KALRN: variants seen among roughly 807,000 people sequenced by gnomAD.
The protein encoded by KALRN is kalirin.
A neutral mutation model predicts 353.7 loss-of-function variants in KALRN; 70 were observed. The observed-to-expected ratio is 0.20, with a 90% CI of 0.16 to 0.24. KALRN has a LOEUF of 0.24. Ranked by LOEUF, KALRN falls within the 10% of genes least tolerant of loss-of-function variation. The pLI is 1.00. For synonymous variants in KALRN, 1,391 were observed against 1,434.8 expected (o/e 0.97, Z 0.69); for missense variants, 2,791 against 3,756.7 (o/e 0.74, Z 6.72).
At chr3:124,172,093 A>T (rs1341450127) in intron 1 of KALRN, among the ~76,000 whole-genome samples, 2 of 152,190 alleles carry the variant, frequency 1.3e-5, no homozygotes, top group Non-Finnish European at 2.9e-5. Context: ...TTCCTTATCC[A>T]TAAAATAAGT....
At chr3:124,362,356 C>G (rs993636429) in intron 10 of KALRN, among the ~76,000 whole-genome samples, 4 of 152,224 alleles carry the variant, frequency 2.6e-5, no homozygotes, top group Non-Finnish European at 5.9e-5. Context: ...AGGAACAGAT[C>G]ATTACATCTG....
chr3:124,184,614 A>G (rs1334231793), intron 1 of KALRN, among the ~76,000 whole-genome samples: 2 of 152,162 alleles, frequency 1.3e-5, no homozygotes. Flanking sequence ...TCCCCTTTGA[A>G]GCCTTTCCTG....
chr3:124,296,062 G>A (rs1310730600), intron 5 of KALRN, among the ~76,000 whole-genome samples: 1 of 152,180 alleles, frequency 6.6e-6, no homozygotes, highest in Admixed American at 6.5e-5. Context: ...GGTGTAAGTA[G>A]ATGGAAGTGT....
intron 1 of KALRN, among the ~76,000 whole-genome samples, chr3:124,192,408 G>A (rs991694757): frequency 1.3e-5 from 2 of 152,156 alleles, no homozygotes; most frequent in Non-Finnish European, 2.9e-5. Context: ...GGAGCGGGGA[G>A]GTGGGAATGG....
At chr3:124,707,419 TTCCTTCCTTCCTTC>T (rs2062680542) in intron 57 of KALRN, among the ~76,000 whole-genome samples, 1 of 150,454 alleles carries the variant, frequency 6.6e-6, no homozygotes, top group African/African-American at 2.4e-5. Flanking sequence ...CCTTCCTTCC[TTCCTTCCTTCCTTC>T]CTTCCTTCCT....
intron 48 of KALRN, among the ~76,000 whole-genome samples, chr3:124,672,598 A>G (rs545905304): frequency 1.3e-5 from 2 of 152,210 alleles, no homozygotes; most frequent in Admixed American, 6.5e-5. Flanking sequence ...GAGAAGTCTG[A>G]CTTGGATTGA....
chr3:124,086,677 T>C (rs2060842184), intron 1 of KALRN, among the ~76,000 whole-genome samples: 1 of 152,180 alleles, frequency 6.6e-6, no homozygotes, highest in African/African-American at 2.4e-5. Context: ...TTTTATTCTC[T>C]GAGGACTTAA....
Position 124,094,712 on chromosome 3 carries a change from C to T in KALRN, c.73+60899C>T. Reference sequence around the variant, plus strand: ...GAGGACTGGTGGCTGTCTTTGCAGGCAGGCATTTGCTTAGAGCAGGCTGTG... The same window carrying T: ...GAGGACTGGTGGCTGTCTTTGCAGGTAGGCATTTGCTTAGAGCAGGCTGTG... On this transcript the variant is annotated intron_variant, in intron 1 of 59. Transcript: ENST00000682506. The T allele has an allele frequency of 3.9e-6, 3 of 771,626 alleles. No individual in the cohort carries two copies. In the East Asian group the frequency reaches 7.8e-5, roughly 20 times the overall value. The allele number at this position is 771,626 out of a possible 1,614,324, so 47.8% of individuals were successfully genotyped here.
At chr3:124,651,626 T>C (rs1354250501) in intron 38 of KALRN, among the ~76,000 whole-genome samples, 2 of 144,972 alleles carry the variant, frequency 1.4e-5, no homozygotes, top group Non-Finnish European at 3.0e-5. Flanking sequence ...CATTTTCTTT[T>C]TCTTTTCTAT....
At chr3:124,533,808 C>G (rs1366465370) in intron 33 of KALRN, among the ~76,000 whole-genome samples, 1 of 152,148 alleles carries the variant, frequency 6.6e-6, no homozygotes, top group East Asian at 1.9e-4. Context: ...GCATAATTCC[C>G]CACTCTAACT....
chr3:124,310,955 T>G (rs1486442389), intron 6 of KALRN, among the ~76,000 whole-genome samples: 2 of 150,462 alleles, frequency 1.3e-5, no homozygotes, highest in Admixed American at 1.3e-4. Flanking sequence ...AGGATTTAAA[T>G]AGACATTTCT....
Position 124,146,791 on chromosome 3 carries a change from C to T in KALRN, c.74-81199C>T, listed in dbSNP as rs566090433. 1.4e-4 allele frequency among the ~76,000 whole-genome samples: 20 copies of T among 143,172 alleles called. No homozygotes were observed. In the South Asian group the frequency reaches 2.1e-3, roughly 15 times the overall value. 93.9% of individuals were successfully genotyped at this position (143,172 alleles called of 152,430 possible). On this transcript the variant is annotated intron_variant, in intron 1 of 59. Coordinates refer to ENST00000682506, the MANE Select transcript of KALRN (RefSeq NM_001388419.1). The stretch of plus-strand genomic sequence containing the variant: ...ACTCAGGAGGCTGAGGCAGGAGAAT[C>T]GCTTGCGCCTGGGAGGCAGAGGTTG...
chr3:124,168,375 C>A (rs1002784864), intron 1 of KALRN, among the ~76,000 whole-genome samples: 1 of 152,200 alleles, frequency 6.6e-6, no homozygotes, highest in African/African-American at 2.4e-5. Context: ...TTGCCATTGG[C>A]AACTGATTGT....
At chr3:124,495,098 C>G (rs975279747) in intron 32 of KALRN, among the ~76,000 whole-genome samples, 9 of 152,106 alleles carry the variant, frequency 5.9e-5, no homozygotes, top group Non-Finnish European at 1.3e-4. Flanking sequence ...GCTGAAAGAA[C>G]ATGGGGACAG....
chr3:124,702,494 T>C (rs906506484), intron 57 of KALRN, among the ~76,000 whole-genome samples: 4 of 152,216 alleles, frequency 2.6e-5, no homozygotes, highest in African/African-American at 9.6e-5. Context: ...TTTTAATATA[T>C]ATGAGATTTT....
At chr3:124,652,956 C>CA (rs2083584566) in intron 38 of KALRN, among the ~76,000 whole-genome samples, 1 of 152,156 alleles carries the variant, frequency 6.6e-6, no homozygotes, top group African/African-American at 2.4e-5. Context: ...CAACAGGCCA[C>CA]AAAAGTTTGC....
intron 25 of KALRN, 140 bp downstream of exon 25, chr3:124,462,773 T>C: frequency 1.7e-6 from 1 of 591,424 alleles, no homozygotes; most frequent in Non-Finnish European, 3.0e-6. Context: ...ACTTCTTTTT[T>C]ACTCACTCCC....
intron 5 of KALRN, among the ~76,000 whole-genome samples, chr3:124,287,428 C>T (rs573601749): frequency 2.6e-5 from 4 of 151,948 alleles, no homozygotes; most frequent in East Asian, 1.9e-4. Flanking sequence ...AGTCCCTGAA[C>T]GCTGATACCC....
intron 1 of KALRN, among the ~76,000 whole-genome samples, chr3:124,092,259 G>A (rs1413543798): frequency 6.6e-6 from 1 of 152,206 alleles, no homozygotes; most frequent in East Asian, 1.9e-4. Context: ...CCCCAAGAAT[G>A]AGGCTTGTAG....
Sources: allele counts gnomAD v4.1 joint callset (sites outside exome capture counted in the v4.1 genomes callset), GRCh38; gene constraint gnomAD v4.1.1; transcripts MANE v1.5; gene names NCBI Gene and HGNC (gene_info 2026-07-23, HGNC 2026-07-21).